Variants in KIAA1217 observed in about 807,000 individuals in gnomAD.
The protein encoded by KIAA1217 is sickle tail protein homolog.
A neutral mutation model predicts 163.9 loss-of-function variants in KIAA1217; 88 were observed. That is an observed-to-expected ratio of 0.54 (90% CI 0.45 to 0.64). KIAA1217 has a LOEUF of 0.64. KIAA1217 is among the 30% of genes least tolerant of loss of function. The pLI is 0.00. For synonymous variants in KIAA1217, 903 were observed against 923.1 expected (o/e 0.98, Z 0.39); for missense variants, 2,372 against 2,475.0 (o/e 0.96, Z 0.88).
intron 12 of KIAA1217, 89 bp downstream of exon 12, chr10:24,522,018 C>G: frequency 6.9e-7 from 1 of 1,450,948 alleles, no homozygotes; most frequent in South Asian, 1.3e-5. Flanking sequence ...AGCCTTCCAC[C>G]ATGCTCCCAG....
At chr10:23,894,570 GT>G (rs1841586699) in intron 1 of KIAA1217, among the ~76,000 whole-genome samples, 1 of 150,224 alleles carries the variant, frequency 6.7e-6, no homozygotes, top group Admixed American at 6.7e-5. Context: ...GCTGCCCAAG[GT>G]AATGGATAGA....
At chr10:24,250,244 G>T (rs1022750505) in intron 2 of KIAA1217, among the ~76,000 whole-genome samples, 1 of 152,058 alleles carries the variant, frequency 6.6e-6, no homozygotes, top group Non-Finnish European at 1.5e-5. Context: ...TCAGAAACCT[G>T]TACTCTCTGA....
chr10:24,221,492 T>C (rs2069647613), intron 2 of KIAA1217, among the ~76,000 whole-genome samples: 1 of 152,208 alleles, frequency 6.6e-6, no homozygotes, highest in Non-Finnish European at 1.5e-5. Flanking sequence ...TGATTATCCA[T>C]GGAAATGGAG....
intron 1 of KIAA1217, among the ~76,000 whole-genome samples, chr10:23,983,970 A>G (rs1845871650): frequency 1.3e-5 from 2 of 152,242 alleles, no homozygotes; most frequent in South Asian, 4.1e-4. Flanking sequence ...AAAGAGGCAG[A>G]GATTAAATTT....
At chr10:24,332,064 G>T (rs546990033) in intron 2 of KIAA1217, among the ~76,000 whole-genome samples, 116 of 152,360 alleles carry the variant, frequency 7.6e-4, no homozygotes, top group African/African-American at 2.6e-3. Context: ...GCCTCCCAAA[G>T]TGCTAGGATT....
intron 16 of KIAA1217, 121 bp downstream of exon 16, chr10:24,533,358 C>A: frequency 1.1e-6 from 1 of 943,126 alleles, no homozygotes; most frequent in African/African-American, 1.7e-5. Flanking sequence ...ACCATAGAAG[C>A]TGTGTCTTCT....
chr10:24,380,161 G>C (rs2053097654), intron 2 of KIAA1217, among the ~76,000 whole-genome samples: 1 of 152,138 alleles, frequency 6.6e-6, no homozygotes, highest in Non-Finnish European at 1.5e-5. Context: ...ATTTACTCTG[G>C]TATTAGTAGC....
intron 1 of KIAA1217, among the ~76,000 whole-genome samples, chr10:23,948,429 C>T (rs1844159686): frequency 6.6e-6 from 1 of 152,218 alleles, no homozygotes; most frequent in African/African-American, 2.4e-5. Context: ...GCCTCACCCA[C>T]ACCTAAAATA....
intron 2 of KIAA1217, among the ~76,000 whole-genome samples, chr10:24,286,419 T>G (rs1190870250): frequency 6.6e-6 from 1 of 151,642 alleles, no homozygotes; most frequent in Non-Finnish European, 1.5e-5. Context: ...TTTAACAAAT[T>G]ATATACATAC....
intron 6 of KIAA1217, among the ~76,000 whole-genome samples, chr10:24,477,009 A>G (rs1023556132): frequency 6.6e-6 from 1 of 152,190 alleles, no homozygotes; most frequent in African/African-American, 2.4e-5. Flanking sequence ...TCTCTGGTCA[A>G]AAGAACTTGA....
chr10:24,378,946 A>T (rs2052915172), intron 2 of KIAA1217, among the ~76,000 whole-genome samples: 2 of 152,180 alleles, frequency 1.3e-5, no homozygotes, highest in Non-Finnish European at 1.5e-5. Context: ...AGAAACAGAG[A>T]TTTGATTTTG....
chr10:24,241,254 T>C (rs911113005), intron 2 of KIAA1217, among the ~76,000 whole-genome samples: 1 of 152,152 alleles, frequency 6.6e-6, no homozygotes, highest in Non-Finnish European at 1.5e-5. Context: ...CTTTTTCTCA[T>C]TTTAGGAGGC....
rs140307613 is a variant in KIAA1217, at chr10:24,521,811, C to A, written c.2338C>A (p.Arg780=). 6.9e-5 allele frequency: 111 copies of A among 1,613,140 alleles called. No individual in the cohort carries two copies. The highest frequency in any genetic ancestry group is 1.8e-4 in the Admixed American group (11 of 59,964). The part of the protein sequence containing the change: ...GEFPTLQNKM[R]AILRIEVEAV... ...ATTTCCAACCTTACAAAACAAGATG[C>A]GAGCCATCCTGCGCATAGAAGTGGA... Residue 780 remains arginine, a synonymous_variant, in exon 12 of 21, where the codon CGA becomes AGA. Coordinates refer to ENST00000376454, the MANE Select transcript of KIAA1217 (RefSeq NM_019590.5).
intron 1 of KIAA1217, among the ~76,000 whole-genome samples, chr10:23,733,589 T>G (rs74363470): frequency 0.051 from 7,766 of 152,038 alleles, 309 homozygotes; most frequent in African/African-American, 0.1. Flanking sequence ...TATGCTGTGT[T>G]TGTTTTAAAA....
intron 1 of KIAA1217, among the ~76,000 whole-genome samples, chr10:23,822,195 G>A (rs956013083): frequency 1.3e-4 from 20 of 152,086 alleles, no homozygotes; most frequent in African/African-American, 4.6e-4. Context: ...GTTTGTAACA[G>A]ACTCCAAAGC....
chr10:24,256,093 C>T (rs1008249861), intron 2 of KIAA1217, among the ~76,000 whole-genome samples: 3 of 151,336 alleles, frequency 2.0e-5, no homozygotes, highest in Admixed American at 2.0e-4. Flanking sequence ...TCACTTCTCC[C>T]TCTGGTTCTG....
chr10:24,355,618 T>A (rs1295665564), intron 2 of KIAA1217, among the ~76,000 whole-genome samples: 1 of 150,618 alleles, frequency 6.6e-6, no homozygotes, highest in East Asian at 2.0e-4. Flanking sequence ...AAATTTGGGG[T>A]TGGGGGGCAC....
chr10:23,825,183 TC>T (rs1837842296), intron 1 of KIAA1217, among the ~76,000 whole-genome samples: 1 of 152,232 alleles, frequency 6.6e-6, no homozygotes, highest in Admixed American at 6.5e-5. Flanking sequence ...AACGTCTGCA[TC>T]TTTTCTTTTA....
intron 2 of KIAA1217, among the ~76,000 whole-genome samples, chr10:24,064,609 T>G (rs1258769612): frequency 1.4e-4 from 21 of 152,194 alleles, no homozygotes; most frequent in Non-Finnish European, 3.1e-4. Flanking sequence ...TCTCTTTTTT[T>G]GTTGTGTCTC....
Sources: gnomAD v4.1 joint callset for allele counts (sites outside exome capture counted in the v4.1 genomes callset) on GRCh38, gnomAD v4.1.1 for gene constraint, MANE v1.5 for transcripts, NCBI Gene and HGNC (gene_info 2026-07-23, HGNC 2026-07-21) for gene names.